Variants in MSRB3 observed in about 807,000 individuals in gnomAD.
The protein encoded by MSRB3 is methionine-R-sulfoxide reductase B3.
A neutral mutation model predicts 21.0 loss-of-function variants in MSRB3; 13 were observed. The observed-to-expected ratio is 0.62, with a 90% CI of 0.40 to 0.98. The LOEUF is 0.98. Among genes scored for constraint, MSRB3 ranks in the 50% least tolerant of loss-of-function variants. The pLI, the probability that MSRB3 is intolerant of heterozygous loss-of-function variation, is 0.00. For synonymous variants in MSRB3, 87 were observed against 88.6 expected (o/e 0.98, Z 0.10); for missense variants, 199 against 230.3 (o/e 0.86, Z 0.88).
At chr12:65,315,049 A>G (rs988416636) in intron 2 of MSRB3, among the ~76,000 whole-genome samples, 1 of 152,212 alleles carries the variant, frequency 6.6e-6, no homozygotes, top group African/African-American at 2.4e-5. Context: ...AGATTCAGTA[A>G]TATTGTGGGT....
chr12:65,317,185 A>T (rs1244472601), intron 2 of MSRB3, among the ~76,000 whole-genome samples: 1 of 152,142 alleles, frequency 6.6e-6, no homozygotes, highest in African/African-American at 2.4e-5. Flanking sequence ...CCCAAATTAT[A>T]ATCTGAGGGA....
chr12:65,460,591 C>T (rs954104983), intron 6 of MSRB3, among the ~76,000 whole-genome samples: 2 of 152,148 alleles, frequency 1.3e-5, no homozygotes, highest in African/African-American at 4.8e-5. Flanking sequence ...CCAGAACACC[C>T]TGTGGCAAGT....
At chr12:65,350,407 C>T (rs562914070) in intron 4 of MSRB3, among the ~76,000 whole-genome samples, 159 of 151,506 alleles carry the variant, frequency 1.0e-3, no homozygotes, top group African/African-American at 3.7e-3. Flanking sequence ...CATCAACTAA[C>T]GAGCAAAATC....
chr12:65,321,269 T>C (rs912289013), intron 2 of MSRB3, among the ~76,000 whole-genome samples: 8 of 152,190 alleles, frequency 5.3e-5, no homozygotes, highest in Non-Finnish European at 1.0e-4. Context: ...CAGGAAAGTA[T>C]CCTAAGTACT....
intron 6 of MSRB3, among the ~76,000 whole-genome samples, chr12:65,455,700 A>T (rs1459952836): frequency 6.6e-6 from 1 of 152,050 alleles, no homozygotes; most frequent in Non-Finnish European, 1.5e-5. Flanking sequence ...TAAAAATCTC[A>T]TGATTTTCCA....
intron 5 of MSRB3, among the ~76,000 whole-genome samples, chr12:65,404,947 C>A (rs1341819978): frequency 1.3e-5 from 2 of 151,812 alleles, no homozygotes; most frequent in Admixed American, 6.6e-5. Flanking sequence ...TGATAACTAA[C>A]CTTCTACTCA....
At chr12:65,338,073 T>A (rs1201358860) in intron 4 of MSRB3, among the ~76,000 whole-genome samples, 1 of 152,208 alleles carries the variant, frequency 6.6e-6, no homozygotes, top group Non-Finnish European at 1.5e-5. Flanking sequence ...CTGATAAGAA[T>A]AACAGCAATA....
At position 65,352,046 on chromosome 12, in the gene MSRB3, T is replaced by C. The variant is rs937550057; in HGVS notation, c.264-16952T>C. Among the ~76,000 whole-genome samples, 545 of 152,074 alleles carry C rather than the reference T, an allele frequency of 3.6e-3. 3 individuals carry two copies. Among genetic ancestry groups the C allele is most frequent in the Middle Eastern group, 6.8e-3 (2 of 294 alleles). On this transcript the variant is annotated intron_variant, in intron 4 of 6. Transcript: ENST00000308259. ...TTTAGACCAATATCCTTGATGAACA[T>C]TGATGCAAAAATCCTCAATAAAATA...
At chr12:65,462,883 T>C (rs1452396430) in intron 6 of MSRB3, among the ~76,000 whole-genome samples, 4 of 152,244 alleles carry the variant, frequency 2.6e-5, no homozygotes, top group African/African-American at 9.6e-5. Flanking sequence ...CAGTCATTTT[T>C]CAGCTGGCTG....
intron 5 of MSRB3, 84 bp from the exon 6 acceptor site, chr12:65,453,644 C>T (rs1882956879): frequency 2.0e-6 from 2 of 986,446 alleles, no homozygotes; most frequent in East Asian, 2.4e-5. Flanking sequence ...TCATTATTTG[C>T]TTAGTATTTC....
At chr12:65,302,594 G>A (rs1025132634) in intron 1 of MSRB3, among the ~76,000 whole-genome samples, 1 of 152,174 alleles carries the variant, frequency 6.6e-6, no homozygotes, top group African/African-American at 2.4e-5. Flanking sequence ...TCACTTGAAA[G>A]ATCGAGTAAG....
At chr12:65,328,678 GA>G (rs1342603066) in intron 4 of MSRB3, 75 bp downstream of exon 4, 2 of 1,007,282 alleles carry the variant, frequency 2.0e-6, no homozygotes, top group Non-Finnish European at 3.2e-6. Context: ...TTTCATCTTA[GA>G]ATCTTTCCAT....
At chr12:65,461,144 C>A (rs192388690) in intron 6 of MSRB3, among the ~76,000 whole-genome samples, 56 of 152,240 alleles carry the variant, frequency 3.7e-4, no homozygotes, top group Admixed American at 6.5e-4. Flanking sequence ...GATCCAAGTG[C>A]TGGAGCTGCA....
At chr12:65,403,788 C>T (rs371738942) in intron 5 of MSRB3, among the ~76,000 whole-genome samples, 5 of 152,298 alleles carry the variant, frequency 3.3e-5, no homozygotes, top group South Asian at 4.2e-4. Context: ...ATGGAAAACA[C>T]GCAGTATCTG....
chr12:65,418,921 G>T lies in MSRB3; in HGVS notation c.293-34807G>T. ...CAGCTTGACCTTAATGTTCAGCAGG[G>T]CCTCCTACTCCTGGGCCTGGTGCTG... On this transcript the variant is annotated intron_variant, in intron 5 of 6. Coordinates refer to ENST00000308259, the MANE Select transcript of MSRB3 (RefSeq NM_001031679.3). 5.6e-6 allele frequency: 4 copies of T among 719,306 alleles called. No homozygotes were observed. In the South Asian group the frequency reaches 5.8e-5, roughly 11 times the overall value. The allele number at this position is 719,306 out of a possible 1,614,324, so 44.6% of individuals were successfully genotyped here. A position where few individuals can be genotyped will look rare whatever the true frequency, so the allele number is the denominator to read the frequency against.
At chr12:65,408,529 A>G (rs528582391) in intron 5 of MSRB3, among the ~76,000 whole-genome samples, 17 of 152,200 alleles carry the variant, frequency 1.1e-4, no homozygotes, top group Non-Finnish European at 1.9e-4. Context: ...GACTTCTTAA[A>G]TATGGTTTGA....
intron 5 of MSRB3, among the ~76,000 whole-genome samples, chr12:65,379,585 C>T (rs547512605): frequency 1.3e-5 from 2 of 152,256 alleles, no homozygotes; most frequent in African/African-American, 4.8e-5. Flanking sequence ...TTAAAGTTCC[C>T]TGTTCTTGAA....
intron 5 of MSRB3, among the ~76,000 whole-genome samples, chr12:65,437,567 A>T (rs774472905): frequency 9.9e-5 from 15 of 151,940 alleles, no homozygotes; most frequent in Admixed American, 2.6e-4. Flanking sequence ...GTGAGACAGG[A>T]TCAGTCTGAA....
intron 4 of MSRB3, among the ~76,000 whole-genome samples, chr12:65,355,974 A>C (rs1465157064): frequency 1.3e-5 from 2 of 151,972 alleles, no homozygotes; most frequent in Admixed American, 1.3e-4. Context: ...TGCTTTGCAC[A>C]TAGTGAGCAC....
Sources: allele counts gnomAD v4.1 joint callset (sites outside exome capture counted in the v4.1 genomes callset), GRCh38; gene constraint gnomAD v4.1.1; transcripts MANE v1.5; gene names NCBI Gene and HGNC (gene_info 2026-07-23, HGNC 2026-07-21).